Variants in SHISA9 observed in about 807,000 individuals in gnomAD.
The protein encoded by SHISA9 is shisa family member 9.
A neutral mutation model predicts 38.0 loss-of-function variants in SHISA9; 13 were observed. The ratio of observed to expected loss-of-function variants is 0.34; its 90% CI spans 0.22 to 0.54. SHISA9 has a LOEUF of 0.54. SHISA9 is among the 20% of genes least tolerant of loss of function. The pLI is 0.91. For synonymous variants in SHISA9, 275 were observed against 242.0 expected, an observed-to-expected ratio of 1.14 and a Z score of -1.27; for missense variants, 538 against 575.8, an observed-to-expected ratio of 0.93 and a Z score of 0.67.
At chr16:13,230,460 A>G (rs950704185) in intron 4 of SHISA9, among the ~76,000 whole-genome samples, 6 of 152,226 alleles carry the variant, frequency 3.9e-5, no homozygotes, top group African/African-American at 1.4e-4. Context: ...TTGTGCTGCA[A>G]GAGAAGAGGA....
chr16:13,056,406 C>T (rs892431358), intron 2 of SHISA9, among the ~76,000 whole-genome samples: 1 of 152,176 alleles, frequency 6.6e-6, no homozygotes, highest in African/African-American at 2.4e-5. Context: ...CTCCTCAAAT[C>T]CACTTCCCTG....
the SHISA9 span, among the ~76,000 whole-genome samples, chr16:13,280,716 G>A: frequency 6.6e-6 from 1 of 151,692 alleles, no homozygotes; most frequent in Non-Finnish European, 1.5e-5. Flanking sequence ...CATGCAATGA[G>A]GTTGTACCCT....
rs1244088379 is a variant in SHISA9, at chr16:13,236,699, A to G, written c.*1290A>G. 6.6e-6 allele frequency: 1 copy of G among 152,142 alleles called. No homozygotes were observed. The highest frequency in any genetic ancestry group is 1.5e-5 in the Non-Finnish European group (1 of 68,054). 9.4% of individuals were successfully genotyped at this position (152,142 alleles called of 1,614,324 possible). A position where few individuals can be genotyped will look rare whatever the true frequency, so the allele number is the denominator to read the frequency against. ...CCTTTGTAGGTGAGCCCACCCCATA[A>G]CACCCTCTGAGGGGCTGCTACAATG... On this transcript the variant is annotated 3_prime_UTR_variant, in exon 5 of 5. Transcript: ENST00000558583.
At chr16:13,556,650 G>A in the SHISA9 span, among the ~76,000 whole-genome samples, 12 of 151,870 alleles carry the variant, frequency 7.9e-5, no homozygotes, top group Admixed American at 6.6e-4. Context: ...GCGACAGAGT[G>A]AGACTCTGTC....
chr16:13,308,077 T>A, the SHISA9 span, among the ~76,000 whole-genome samples: 4 of 152,324 alleles, frequency 2.6e-5, no homozygotes, highest in South Asian at 6.2e-4. Context: ...TTTTATGACA[T>A]TCAAAGTACA....
chr16:12,916,918 T>C, intron 2 of SHISA9, 103 bp downstream of exon 2: 1 of 1,300,824 alleles, frequency 7.7e-7, no homozygotes, highest in Non-Finnish European at 1.0e-6. Flanking sequence ...TAAGAGCTCT[T>C]TGTGGGCAAG....
At chr16:13,476,200 A>G in the SHISA9 span, among the ~76,000 whole-genome samples, 1 of 151,790 alleles carries the variant, frequency 6.6e-6, no homozygotes, top group Non-Finnish European at 1.5e-5. Flanking sequence ...AAGGATCCCC[A>G]CTCCCCTGCC....
chr16:13,342,957 CTCTCAAA>C, the SHISA9 span, among the ~76,000 whole-genome samples: 1 of 152,176 alleles, frequency 6.6e-6, no homozygotes, highest in Non-Finnish European at 1.5e-5. Context: ...TGCTTTTCTG[CTCTCAAA>C]GATCTCAAAG....
the SHISA9 span, among the ~76,000 whole-genome samples, chr16:13,371,856 T>A: frequency 2.6e-5 from 4 of 152,220 alleles, no homozygotes; most frequent in African/African-American, 7.2e-5. Flanking sequence ...TACTTTTCAC[T>A]CTACCCAAAT....
intron 2 of SHISA9, among the ~76,000 whole-genome samples, chr16:12,968,763 T>TG (rs1429351367): frequency 6.6e-6 from 1 of 152,170 alleles, no homozygotes; most frequent in African/African-American, 2.4e-5. Context: ...GTGAGTGATG[T>TG]GGGGTGTCTG....
intron 2 of SHISA9, among the ~76,000 whole-genome samples, chr16:13,145,419 C>T (rs189992564): frequency 1.5e-4 from 23 of 152,126 alleles, no homozygotes; most frequent in Admixed American, 5.2e-4. Context: ...CCCAGCTACT[C>T]GGGAGGCTGA....
chr16:13,343,340 C>T, the SHISA9 span, among the ~76,000 whole-genome samples: 2 of 152,146 alleles, frequency 1.3e-5, no homozygotes, highest in South Asian at 2.1e-4. Context: ...ATCTTACATA[C>T]CTTTTCTTTC....
intron 4 of SHISA9, among the ~76,000 whole-genome samples, chr16:13,225,762 G>A (rs745891264): frequency 2.0e-5 from 3 of 152,104 alleles, no homozygotes; most frequent in Non-Finnish European, 4.4e-5. Context: ...CCCTTTCCAC[G>A]GAAGCCAGGC....
At chr16:13,345,883 G>A in the SHISA9 span, among the ~76,000 whole-genome samples, 5 of 152,062 alleles carry the variant, frequency 3.3e-5, no homozygotes, top group Non-Finnish European at 7.4e-5. Flanking sequence ...ATGATTGTTG[G>A]CCTCATATAT....
downstream of SHISA9, among the ~76,000 whole-genome samples, chr16:13,244,688 C>T (rs1437587429): frequency 1.3e-5 from 2 of 152,092 alleles, no homozygotes; most frequent in Non-Finnish European, 2.9e-5. Flanking sequence ...ATGAGGTTTC[C>T]GACTACATGG....
At chr16:13,069,482 TAC>T (rs769793654) in intron 2 of SHISA9, among the ~76,000 whole-genome samples, 3 of 152,138 alleles carry the variant, frequency 2.0e-5, no homozygotes. Context: ...TGTATATGTG[TAC>T]ACACAATGCA....
At chr16:13,479,678 C>G in the SHISA9 span, among the ~76,000 whole-genome samples, 5 of 152,276 alleles carry the variant, frequency 3.3e-5, no homozygotes, top group African/African-American at 7.2e-5. Flanking sequence ...CCCTTCCTCA[C>G]GGCTGCATGA....
the SHISA9 span, among the ~76,000 whole-genome samples, chr16:13,531,266 G>C: frequency 1.3e-5 from 2 of 152,172 alleles, no homozygotes; most frequent in Non-Finnish European, 2.9e-5. Flanking sequence ...TGGGACCCCA[G>C]TAAGGGCACC....
chr16:13,525,831 A>T, the SHISA9 span, among the ~76,000 whole-genome samples: 1 of 152,232 alleles, frequency 6.6e-6, no homozygotes, highest in Admixed American at 6.5e-5. Flanking sequence ...TGAGATATTT[A>T]TGAGGGAGAT....
Sources: allele counts gnomAD v4.1 joint callset (sites outside exome capture counted in the v4.1 genomes callset), GRCh38; gene constraint gnomAD v4.1.1; transcripts MANE v1.5; gene names NCBI Gene and HGNC (gene_info 2026-07-23, HGNC 2026-07-21).